CDYL: variants seen among roughly 807,000 people sequenced by gnomAD.
CDYL encodes the protein chromodomain Y-like protein.
A neutral mutation model predicts 47.3 loss-of-function variants in CDYL; 8 were observed. The observed-to-expected ratio is 0.17, with a 90% confidence interval of 0.10 to 0.31. The LOEUF is 0.31. Ranked by LOEUF, CDYL falls within the 10% of genes least tolerant of loss-of-function variation. The pLI is 1.00. For missense variants in CDYL, 471 were observed against 701.4 expected (o/e 0.67, Z 3.71); for synonymous variants, 266 against 265.0 (o/e 1.00, Z -0.04).
intron 4 of CDYL, among the ~76,000 whole-genome samples, chr6:4,938,191 G>A (rs887063215): frequency 2.0e-5 from 3 of 151,614 alleles, no homozygotes; most frequent in East Asian, 1.9e-4. Context: ...AGATAGCTCC[G>A]TAACACCACA....
intron 1 of CDYL, among the ~76,000 whole-genome samples, chr6:4,812,075 A>G (rs944607918): frequency 6.6e-6 from 1 of 152,342 alleles, no homozygotes; most frequent in Non-Finnish European, 1.5e-5. Flanking sequence ...TGGAATCTGC[A>G]TCTTAACAAG....
In CDYL at chr6:4,802,538, C is replaced by CA. The variant is rs201339464; in HGVS notation, c.24+25738dup. Among the ~76,000 whole-genome samples the CA allele has an allele frequency of 4.5e-3, 683 of 151,320 alleles. 3 individuals carry two copies. The highest frequency in any genetic ancestry group is 7.4e-3 in the Non-Finnish European group (501 of 67,776). ...TGGGTGACAGAGTGAGACCCTACCT[C>CA]AAAAAAACAAAAAACAGTTATTATA... On this transcript the variant is annotated intron_variant, in intron 1 of 6. Coordinates refer to ENST00000397588, the MANE Select transcript of CDYL (RefSeq NM_004824.4).
chr6:4,937,264 C>T (rs1758223611), intron 3 of CDYL, among the ~76,000 whole-genome samples: 1 of 152,092 alleles, frequency 6.6e-6, no homozygotes, highest in Non-Finnish European at 1.5e-5. Flanking sequence ...GAGGCTGAGG[C>T]GGGAGGATTG....
At chr6:4,906,131 G>A (rs1006827490) in intron 2 of CDYL, among the ~76,000 whole-genome samples, 7 of 152,232 alleles carry the variant, frequency 4.6e-5, no homozygotes, top group Non-Finnish European at 1.0e-4. Context: ...GTAAGAGAAA[G>A]TCTGCCTCTC....
intron 1 of CDYL, among the ~76,000 whole-genome samples, chr6:4,846,833 A>T (rs1027867938): frequency 5.3e-5 from 8 of 152,264 alleles, no homozygotes; most frequent in African/African-American, 1.9e-4. Context: ...TTGTAAGCCA[A>T]GACTGTTTTA....
intron 2 of CDYL, among the ~76,000 whole-genome samples, chr6:4,910,608 T>C (rs1262601381): frequency 6.6e-6 from 1 of 152,198 alleles, no homozygotes; most frequent in East Asian, 1.9e-4. Context: ...TGCTCTCAGC[T>C]GAGCAACTTA....
intron 2 of CDYL, among the ~76,000 whole-genome samples, chr6:4,934,581 A>G (rs1344576711): frequency 2.0e-5 from 3 of 152,140 alleles, no homozygotes; most frequent in Non-Finnish European, 4.4e-5. Flanking sequence ...GTTTTCTTAC[A>G]TTTCATTCCT....
chr6:4,836,469 C>G (rs1247254039), intron 1 of CDYL, among the ~76,000 whole-genome samples: 1 of 152,178 alleles, frequency 6.6e-6, no homozygotes, highest in East Asian at 1.9e-4. Context: ...CTTCGGCTTT[C>G]CTTCCTGTGA....
intron 1 of CDYL, among the ~76,000 whole-genome samples, chr6:4,803,946 A>C (rs907061905): frequency 3.3e-5 from 5 of 150,978 alleles, no homozygotes; most frequent in Non-Finnish European, 7.4e-5. Flanking sequence ...TTTTCTTTTT[A>C]AAAATAGCTT....
intron 2 of CDYL, among the ~76,000 whole-genome samples, chr6:4,931,989 A>T (rs556950491): frequency 6.6e-6 from 1 of 152,340 alleles, no homozygotes; most frequent in East Asian, 1.9e-4. Context: ...TGGCCTAGAA[A>T]TGTTGCTTCG....
chr6:4,706,622 T>TA (rs112270001), intron 1 of CDYL, among the ~76,000 whole-genome samples: 5,742 of 151,752 alleles, frequency 0.038, 150 homozygotes, highest in Middle Eastern at 0.078. Flanking sequence ...CCGTCTCTAC[T>TA]AAAAAAAATT....
At chr6:4,740,400 C>G (rs1757776083) in intron 3 of CDYL, among the ~76,000 whole-genome samples, 1 of 152,110 alleles carries the variant, frequency 6.6e-6, no homozygotes, top group African/African-American at 2.4e-5. Flanking sequence ...GGCGTTGCTA[C>G]TAGAATGGAG....
intron 2 of CDYL, among the ~76,000 whole-genome samples, chr6:4,729,406 T>C (rs149932800): frequency 1.3e-5 from 2 of 152,294 alleles, no homozygotes; most frequent in Non-Finnish European, 2.9e-5. Flanking sequence ...TCCACATTTC[T>C]AGACCTTGAT....
intron 2 of CDYL, among the ~76,000 whole-genome samples, chr6:4,723,954 G>A (rs1208737890): frequency 6.6e-6 from 1 of 152,114 alleles, no homozygotes; most frequent in Non-Finnish European, 1.5e-5. Context: ...ATGAGCCCTG[G>A]GGATTAAAAG....
chr6:4,885,688 C>A (rs1216829549), intron 1 of CDYL, among the ~76,000 whole-genome samples: 1 of 152,200 alleles, frequency 6.6e-6, no homozygotes, highest in Non-Finnish European at 1.5e-5. Flanking sequence ...GCGAAAAGTT[C>A]TTTTAGCTCT....
At chr6:4,933,720 TG>T in intron 2 of CDYL, among the ~76,000 whole-genome samples, 1 of 152,234 alleles carries the variant, frequency 6.6e-6, no homozygotes, top group East Asian at 1.9e-4. Context: ...CTTTGCTGAC[TG>T]GTAACATCCG....
At chr6:4,884,590 G>A (rs1409206232) in intron 1 of CDYL, among the ~76,000 whole-genome samples, 2 of 152,160 alleles carry the variant, frequency 1.3e-5, no homozygotes, top group Non-Finnish European at 2.9e-5. Context: ...CGCATTTGTG[G>A]TGGACTGTCT....
At chr6:4,864,522 G>C (rs1761264827) in intron 1 of CDYL, among the ~76,000 whole-genome samples, 3 of 152,162 alleles carry the variant, frequency 2.0e-5, no homozygotes, top group Admixed American at 2.0e-4. Context: ...TGGTTTGGCT[G>C]TGTCCCCACC....
intron 1 of CDYL, among the ~76,000 whole-genome samples, chr6:4,805,812 G>A (rs1037387364): frequency 1.2e-4 from 19 of 152,302 alleles, no homozygotes; most frequent in South Asian, 4.1e-4. Flanking sequence ...TTAAGAGGGC[G>A]GCTCTTCTTT....
Sources: gnomAD v4.1 joint callset for allele counts (sites outside exome capture counted in the v4.1 genomes callset) on GRCh38, gnomAD v4.1.1 for gene constraint, MANE v1.5 for transcripts, NCBI Gene and HGNC (gene_info 2026-07-23, HGNC 2026-07-21) for gene names.